AMPD1: variants seen among roughly 807,000 people sequenced by gnomAD.
AMPD1 encodes AMP deaminase 1.
In AMPD1, 74 loss-of-function variants were observed where a neutral mutation model predicts 82.9. The ratio of observed to expected loss-of-function variants is 0.89; its 90% CI spans 0.74 to 1.08. The LOEUF is 1.08. AMPD1 is among the 50% of genes least tolerant of loss of function. AMPD1 has a pLI of 0.00. For missense variants in AMPD1, 881 were observed against 924.5 expected, an observed-to-expected ratio of 0.95 and a Z score of 0.61; for synonymous variants, 333 against 320.5, an observed-to-expected ratio of 1.04 and a Z score of -0.42.
At chr1:114,693,280 T>G (rs1658574313) in intron 2 of AMPD1, among the ~76,000 whole-genome samples, 156 bp downstream of exon 2, 1 of 151,532 alleles carries the variant, frequency 6.6e-6, no homozygotes, top group East Asian at 1.9e-4. Context: ...TGCTATGCTA[T>G]GGGATATCTA....
Position 114,675,711 on chromosome 1 carries a change from C to A in AMPD1, c.1516-18G>T, listed in dbSNP as rs745329451. The A allele has an allele frequency of 1.2e-6, 2 of 1,613,904 alleles. No homozygotes were observed. The highest frequency in any genetic ancestry group is 1.3e-5 in the African/African-American group (1 of 74,914). The stretch of plus-strand genomic sequence containing the variant: ...CCAGTGATCTGTTAGGAAAAGTGAG[C>A]CATGCAATGGGTTCAGTCCAACTTC... On this transcript the variant is annotated intron_variant, in intron 11 of 15. Transcript: ENST00000520113.
At chr1:114,676,545 C>T (rs7515356) in intron 10 of AMPD1, among the ~76,000 whole-genome samples, 4,001 of 152,156 alleles carry the variant, frequency 0.026, 92 homozygotes, top group Non-Finnish European at 0.034. Context: ...TATAACTTAA[C>T]CCAAGGTAAC....
intron 3 of AMPD1, among the ~76,000 whole-genome samples, chr1:114,687,418 C>G (rs888347608): frequency 6.6e-6 from 1 of 152,146 alleles, no homozygotes; most frequent in Non-Finnish European, 1.5e-5. Flanking sequence ...CTCAAATCAA[C>G]AAGTATTTGT....
Position 114,688,761 on chromosome 1 carries a change from A to G in AMPD1, c.35-20T>C. On this transcript the variant is annotated intron_variant, in intron 2 of 15. Transcript: ENST00000520113. ...CAATTTCTAAAAGAGGTTTTCACATATTAGTGTTCAAGCCCCTTTTCAAAA... is the reference window on the plus strand; with the variant it reads ...CAATTTCTAAAAGAGGTTTTCACATGTTAGTGTTCAAGCCCCTTTTCAAAA... 1 of 1,614,062 alleles carries G rather than the reference A, an allele frequency of 6.2e-7. No individual in the cohort carries two copies. The highest frequency in any genetic ancestry group is 1.1e-5 in the South Asian group (1 of 91,082).
chr1:114,684,225 C>A lies in AMPD1; in HGVS notation c.521G>T (p.Trp174Leu). 1 of 1,614,106 alleles carries A rather than the reference C, an allele frequency of 6.2e-7. No individual in the cohort carries two copies. The change falls in exon 5 of 16, where the codon TGG (tryptophan) becomes TTG (leucine). Residue 174 changes from tryptophan to leucine, a missense_variant. Physicochemically the swap from Trp to Leu is moderately conservative, Grantham distance 61. This residue lies in a region of AMPD1 where 783 missense variants were observed against 786.4 expected (regional missense o/e 1.00). Transcript: ENST00000520113. ...KYLRNIDGEA[W>L]VANESFYPVF... ...TGGATAGAAGCTCTCATTTGCTACCCAAGCCTCACCATCAATGTTCCGCAA... is the reference window on the plus strand; with the variant it reads ...TGGATAGAAGCTCTCATTTGCTACCAAAGCCTCACCATCAATGTTCCGCAA...
At chr1:114,681,805 A>G (rs2101717969) in intron 5 of AMPD1, among the ~76,000 whole-genome samples, 1 of 152,290 alleles carries the variant, frequency 6.6e-6, no homozygotes, top group South Asian at 2.1e-4. Flanking sequence ...TGGCAAATGT[A>G]TAATGACATG....
intron 4 of AMPD1, among the ~76,000 whole-genome samples, chr1:114,686,362 C>T (rs1557973003): frequency 6.6e-6 from 1 of 151,996 alleles, no homozygotes; most frequent in Non-Finnish European, 1.5e-5. Flanking sequence ...TTGGGTCCTT[C>T]TTTTCCCCAG....
chr1:114,673,543 G>C (rs1173841637), intron 15 of AMPD1, 96 bp downstream of exon 15: 4 of 1,057,960 alleles, frequency 3.8e-6, no homozygotes, highest in Non-Finnish European at 5.8e-6. Context: ...ATGATTCGTG[G>C]AACAATTTTT....
chr1:114,693,340 C>G (rs1238712419), intron 2 of AMPD1, 96 bp downstream of exon 2: 2 of 1,228,788 alleles, frequency 1.6e-6, no homozygotes, highest in East Asian at 4.7e-5. Context: ...TTAATAAACA[C>G]TGCTGAAAAA....
intron 5 of AMPD1, among the ~76,000 whole-genome samples, chr1:114,683,889 C>A (rs982977271): frequency 2.0e-5 from 3 of 152,010 alleles, no homozygotes; most frequent in African/African-American, 7.3e-5. Context: ...AAATTAGCAC[C>A]AAAGTAAAGA....
At position 114,686,874 on chromosome 1, in the gene AMPD1, C is replaced by A. The variant is rs1270954389; in HGVS notation, c.252G>T (p.Leu84Phe). The change falls in exon 4 of 16, where the codon TTG becomes TTT. Residue 84 changes from leucine (L) to phenylalanine (F), a missense_variant. Physicochemically the swap from Leu to Phe is conservative, Grantham distance 22 (BLOSUM62 0). Transcript: ENST00000520113. ...KRFQGRKTVN[L>F]SIPLSETSST... ...AAGATGTTTCACTTAGTGGAATGGA[C>A]AAATTAACAGTCTTCCGTCCTTGGA... 1.2e-6 allele frequency: 2 copies of A among 1,614,020 alleles called. No homozygotes were observed. Among genetic ancestry groups the A allele is most frequent in the Admixed American group, 3.3e-5 (2 of 59,994 alleles).
Position 114,674,070 on chromosome 1 carries a change from G to A in AMPD1, c.1813C>T (p.Gln605Ter), listed in dbSNP as rs1354176888. ...ATTTGGGCTAAGAAAAACAAGTACTGTAGCACGGGACTCTGAAAAAGAAAA... is the reference window on the plus strand; with the variant it reads ...ATTTGGGCTAAGAAAAACAAGTACTATAGCACGGGACTCTGAAAAAGAAAA... ...GLNLKKSPVL[Q>*]YLFFLAQIPI... is the part of the protein sequence containing the mutation. The change falls in exon 14 of 16, where the codon CAG (glutamine) becomes TAG (stop). Residue 605 changes from glutamine to a stop codon, truncating the protein, a stop_gained. Coordinates refer to ENST00000520113, the MANE Select transcript of AMPD1 (RefSeq NM_000036.3). LOFTEE classifies it high-confidence loss of function. 2 of 1,613,738 alleles carry A rather than the reference G, an allele frequency of 1.2e-6. No individual in the cohort carries two copies. The highest frequency in any genetic ancestry group is 1.3e-5 in the African/African-American group (1 of 75,046).
intron 14 of AMPD1, 32 bp downstream of exon 14, chr1:114,673,877 A>C (rs1458359919): frequency 6.2e-7 from 1 of 1,611,246 alleles, no homozygotes; most frequent in East Asian, 2.2e-5. Context: ...GTCCAGCAAA[A>C]TATGCTTGTA....
intron 3 of AMPD1, among the ~76,000 whole-genome samples, chr1:114,687,826 T>C (rs1658364575): frequency 6.6e-6 from 1 of 152,152 alleles, no homozygotes; most frequent in Admixed American, 6.5e-5. Flanking sequence ...TCAGACTAAC[T>C]GGAGGGCAGG....
chr1:114,690,489 G>T (rs1260170785), intron 2 of AMPD1, among the ~76,000 whole-genome samples: 2 of 152,114 alleles, frequency 1.3e-5, no homozygotes, highest in Admixed American at 6.5e-5. Context: ...ATAACAGTCA[G>T]GTCAGCCAGT....
At chr1:114,676,462 T>A (rs2268696) in intron 10 of AMPD1, among the ~76,000 whole-genome samples, 68,980 of 151,988 alleles carry the variant, frequency 0.45, 16,133 homozygotes, top group African/African-American at 0.53. Flanking sequence ...GTAATCCTCA[T>A]AACAACTCAA....
At chr1:114,674,159 C>G in intron 13 of AMPD1, 77 bp from the exon 14 acceptor site, 2 of 1,340,532 alleles carry the variant, frequency 1.5e-6, no homozygotes, top group African/African-American at 1.5e-5. Context: ...ATCTCATGGT[C>G]TGCCTTAAGC....
chr1:114,675,766 G>A (rs1657963275), intron 11 of AMPD1, 73 bp from the exon 12 acceptor site: 1 of 1,613,012 alleles, frequency 6.2e-7, no homozygotes, highest in South Asian at 1.1e-5. Context: ...AAACTTTCAG[G>A]TCCAAAGGCA....
chr1:114,679,255 A>G (rs1308032920), intron 7 of AMPD1, among the ~76,000 whole-genome samples: 1 of 152,232 alleles, frequency 6.6e-6, no homozygotes, highest in Admixed American at 6.5e-5. Flanking sequence ...ACAGTCAGGA[A>G]TTCAAAGAAA....
Sources: gnomAD v4.1 joint callset for allele counts (sites outside exome capture counted in the v4.1 genomes callset) on GRCh38, gnomAD v4.1.1 for gene constraint, gnomAD v4.1.1 regional missense constraint, MANE v1.5 for transcripts, NCBI Gene and HGNC (gene_info 2026-07-23, HGNC 2026-07-21) for gene names.